The following LRRK2 variants were observed in gnomAD, a reference collection of about 807,000 sequenced individuals.
LRRK2 encodes leucine rich repeat kinase 2.
Under a neutral mutation model 302.6 loss-of-function variants are expected in LRRK2, and 203 were observed. The observed-to-expected ratio is 0.67, with a 90% CI of 0.60 to 0.75. The LOEUF (loss-of-function observed/expected upper bound fraction) is 0.75, where lower values mean the gene tolerates loss of function less well. Among genes scored for constraint, LRRK2 ranks in the 30% least tolerant of loss-of-function variants. The pLI is 0.00. For synonymous variants in LRRK2, 1,066 were observed against 1,031.9 expected (o/e 1.03, Z -0.63); for missense variants, 2,830 against 2,951.0 (o/e 0.96, Z 0.95).
chr12:40,365,770 A>C (rs1946860107), intron 49 of LRRK2: 1 of 152,004 alleles, frequency 6.6e-6, no homozygotes, highest in South Asian at 2.1e-4. Flanking sequence ...AAGAAAATAT[A>C]TTCATTGCAA....
chr12:40,249,905 A>C lies in LRRK2; in HGVS notation c.918A>C (p.Ala306=). 1 of 1,613,904 alleles carries C rather than the reference A, an allele frequency of 6.2e-7. No homozygotes were observed. The highest frequency in any genetic ancestry group is 1.3e-5 in the African/African-American group (1 of 75,024). The change falls in exon 8 of 51, where the codon GCA becomes GCC. Residue 306 remains alanine, a synonymous_variant. Transcript: ENST00000298910. Reference sequence around the variant, plus strand: ...CTGTGCAGCAGTACCCAGAGAATGCAGCATTGCAGATCTCAGCGCTCAGCT... The same window carrying C: ...CTGTGCAGCAGTACCCAGAGAATGCCGCATTGCAGATCTCAGCGCTCAGCT... ...VKAVQQYPEN[A]ALQISALSCL...
At chr12:40,300,806 G>C (rs1240888721) in intron 25 of LRRK2, 2 of 471,106 alleles carry the variant, frequency 4.2e-6, no homozygotes, top group Non-Finnish European at 8.8e-6. Flanking sequence ...TGCCTTCTGT[G>C]GAAAAGTTTC....
intron 38 of LRRK2, among the ~76,000 whole-genome samples, chr12:40,326,946 ATATAAT>A (rs1214968122): frequency 6.6e-6 from 1 of 152,216 alleles, no homozygotes; most frequent in East Asian, 1.9e-4. Flanking sequence ...TGAGCATAAA[ATATAAT>A]TATATATGCT....
At chr12:40,266,203 G>A (rs1219571828) in intron 14 of LRRK2, among the ~76,000 whole-genome samples, 1 of 152,056 alleles carries the variant, frequency 6.6e-6, no homozygotes, top group Non-Finnish European at 1.5e-5. Flanking sequence ...ACTACCATCA[G>A]AGTGAACAGG....
chr12:40,322,752 T>C (rs568195213), intron 37 of LRRK2, among the ~76,000 whole-genome samples: 7 of 152,208 alleles, frequency 4.6e-5, no homozygotes, highest in Non-Finnish European at 1.0e-4. Flanking sequence ...ACCTCATCTG[T>C]GAAACCGGAA....
chr12:40,319,567 C>G (rs1450470174), intron 33 of LRRK2, among the ~76,000 whole-genome samples: 1 of 152,094 alleles, frequency 6.6e-6, no homozygotes. Context: ...TCATGGAAGT[C>G]CTCTCCTAGT....
chr12:40,250,019 T>A (rs1942183817), intron 8 of LRRK2, 74 bp downstream of exon 8: 2 of 1,564,778 alleles, frequency 1.3e-6, no homozygotes, highest in Non-Finnish European at 8.7e-7. Flanking sequence ...AACAAGAGAA[T>A]CATATGTACA....
chr12:40,249,931 G>A lies in LRRK2; in HGVS notation c.944G>A (p.Cys315Tyr). The A allele has an allele frequency of 1.9e-6, 3 of 1,613,764 alleles. No individual in the cohort carries two copies. The highest frequency in any genetic ancestry group is 2.5e-6 in the Non-Finnish European group (3 of 1,179,784). Residue 315 changes from cysteine to tyrosine, a missense_variant, in exon 8 of 51, where the codon TGT (cysteine) becomes TAT (tyrosine). Cys to Tyr is a radical substitution (Grantham distance 194, BLOSUM62 -2). Coordinates refer to ENST00000298910, the MANE Select transcript of LRRK2 (RefSeq NM_198578.4). ...NAALQISALS[C>Y]LALLTETIFL... Reference sequence around the variant, plus strand: ...GCATTGCAGATCTCAGCGCTCAGCTGTTTGGCCCTCCTCAGTAAGTAACTT... The same window carrying A: ...GCATTGCAGATCTCAGCGCTCAGCTATTTGGCCCTCCTCAGTAAGTAACTT...
At chr12:40,347,018 A>C in intron 42 of LRRK2, 95 bp downstream of exon 42, 1 of 958,000 alleles carries the variant, frequency 1.0e-6, no homozygotes, top group Non-Finnish European at 1.5e-6. Context: ...TTCCTTAAAC[A>C]GATGATCATT....
chr12:40,261,093 C>T (rs1004169526), intron 13 of LRRK2, among the ~76,000 whole-genome samples: 2 of 152,092 alleles, frequency 1.3e-5, no homozygotes, highest in Non-Finnish European at 1.5e-5. Context: ...AAAATTGAAT[C>T]ATGGTGTCCT....
At chr12:40,351,875 A>G (rs1269392870) in intron 44 of LRRK2, 142 bp downstream of exon 44, 5 of 908,424 alleles carry the variant, frequency 5.5e-6, no homozygotes, top group Non-Finnish European at 8.4e-6. Flanking sequence ...TCAAGAGCAA[A>G]TGTGTTTTGC....
chr12:40,243,704 C>A (rs746951771), intron 7 of LRRK2, 23 bp downstream of exon 7: 16 of 1,604,930 alleles, frequency 1.0e-5, no homozygotes, highest in Non-Finnish European at 1.3e-5. Flanking sequence ...GTTAATATGT[C>A]ATCACACACT....
chr12:40,359,187 G>A lies in LRRK2; in HGVS notation c.6844-73G>A, dbSNP rs79836766. The A allele has an allele frequency of 7.8e-3, 10,222 of 1,316,388 alleles. 657 individuals carry two copies. The African/African-American group carries it at 0.13, about 17-fold the overall frequency. The allele number at this position is 1,316,388 out of a possible 1,614,324, so 81.5% of individuals were successfully genotyped here. A position where few individuals can be genotyped will look rare whatever the true frequency, so the allele number is the denominator to read the frequency against. ...TAAGATGGAAAGTAGTTTTTTGAAA[G>A]CACAGATTTTATGGAGTTTTGTTCT... is the stretch of plus-strand genomic sequence containing the variant. On this transcript the variant is annotated intron_variant, in intron 46 of 50. Coordinates refer to ENST00000298910, the MANE Select transcript of LRRK2 (RefSeq NM_198578.4).
chr12:40,310,453 T>A lies in LRRK2; in HGVS notation c.4340T>A (p.Val1447Glu). 6.2e-7 allele frequency: 1 copy of A among 1,613,392 alleles called. No individual in the cohort carries two copies. Among genetic ancestry groups the A allele is most frequent in the Non-Finnish European group, 8.5e-7 (1 of 1,179,800 alleles). Residue 1447 changes from valine (V) to glutamate (E), a missense_variant, in exon 31 of 51, where the codon GTG (valine) becomes GAG (glutamate). By Grantham distance (121) the Val-to-Glu change is moderately radical. Around this residue, in one of 3 missense-constraint regions of LRRK2, gnomAD observed 2,121 missense variants for 2,148.0 expected, o/e 0.99. Coordinates refer to ENST00000298910, the MANE Select transcript of LRRK2 (RefSeq NM_198578.4). The stretch of plus-strand genomic sequence containing the variant: ...CAGGCTCGCGCTTCTTCTTCCCCTG[T>A]GATTCTCGTTGGCACACATTTGGAT... ...NIKARASSSP[V>E]ILVGTHLDVS...
rs753078674 is a variant in LRRK2, at chr12:40,365,059, C to A, written c.7390+9C>A. On this transcript the variant is annotated intron_variant, in intron 49 of 50. Transcript: ENST00000298910. ...GATGACAGCACAGCTAGGCAAGTTT[C>A]TTTCCTTTAGATATTTTTCATATTC... is the stretch of plus-strand genomic sequence containing the variant. The A allele has an allele frequency of 1.2e-6, 2 of 1,608,046 alleles. No homozygotes were observed. The highest frequency in any genetic ancestry group is 8.5e-7 in the Non-Finnish European group (1 of 1,175,418).
At chr12:40,227,647 A>G (rs1263936403) in intron 2 of LRRK2, among the ~76,000 whole-genome samples, 1 of 152,140 alleles carries the variant, frequency 6.6e-6, no homozygotes, top group African/African-American at 2.4e-5. Context: ...ATTTTTTATG[A>G]CTGAATAATA....
Position 40,338,789 on chromosome 12 carries a change from G to T in LRRK2, c.5949-1505G>T, listed in dbSNP as rs1264842503. ...ACTTAAAGAGGCATGTCTTATAAAG[G>T]ATTTGGATACTATTCAATGATGTAT... On this transcript the variant is annotated intron_variant, in intron 40 of 50. Transcript: ENST00000298910. 2.0e-5 allele frequency among the ~76,000 whole-genome samples: 3 copies of T among 152,102 alleles called. No individual in the cohort carries two copies. In the East Asian group the frequency reaches 5.8e-4, roughly 29 times the overall value.
At position 40,306,596 on chromosome 12, in the gene LRRK2, C is replaced by G. The variant is rs1001182440; in HGVS notation, c.3959+630C>G. Among the ~76,000 whole-genome samples, 45 of 152,092 alleles carry G rather than the reference C, an allele frequency of 3.0e-4. 1 individual carries two copies. The highest frequency in any genetic ancestry group is 9.4e-4 in the African/African-American group (39 of 41,430). On this transcript the variant is annotated intron_variant, in intron 28 of 50. Transcript: ENST00000298910. ...TCATAAAATCCTTTGCTCCCTTTTCCACAGTTACTGTATTAACGTTGCAGA... is the reference window on the plus strand; with the variant it reads ...TCATAAAATCCTTTGCTCCCTTTTCGACAGTTACTGTATTAACGTTGCAGA...
intron 41 of LRRK2, among the ~76,000 whole-genome samples, chr12:40,344,298 A>G (rs905626130): frequency 6.6e-6 from 1 of 152,216 alleles, no homozygotes; most frequent in Non-Finnish European, 1.5e-5. Flanking sequence ...CTGAACATTT[A>G]AATAGTTTTT....
Sources: allele counts gnomAD v4.1 joint callset (sites outside exome capture counted in the v4.1 genomes callset), GRCh38; gene constraint gnomAD v4.1.1; regional missense constraint gnomAD v4.1.1; transcripts MANE v1.5; gene names NCBI Gene and HGNC (gene_info 2026-07-23, HGNC 2026-07-21).